Variants in DOC2A observed in about 807,000 individuals in gnomAD.
DOC2A encodes double C2-like domain-containing protein alpha.
In DOC2A, 28 loss-of-function variants were observed where a neutral mutation model predicts 40.6. That is an observed-to-expected ratio of 0.69 (90% confidence interval 0.51 to 0.95). The LOEUF is 0.95. Among genes scored for constraint, DOC2A ranks in the 40% least tolerant of loss-of-function variants. The pLI, the probability that DOC2A is intolerant of heterozygous loss-of-function variation, is 0.00. For synonymous variants in DOC2A, 241 were observed against 236.9 expected (o/e 1.02, Z -0.16); for missense variants, 474 against 552.5 (o/e 0.86, Z 1.42).
Position 30,006,634 on chromosome 16 carries a change from A to G in DOC2A, c.922T>C (p.Cys308Arg), listed in dbSNP as rs1203577523. ...GGGTTGAGAGTCTTCTTCTTCACAC[A>G]CGTCTTATGCTTGGATTTCTTGTCC... ...DVDKKSKHKTCVKKKTLNPEF... is the reference protein window; with the variant it reads ...DVDKKSKHKTRVKKKTLNPEF... The change falls in exon 9 of 11, where the codon TGT becomes CGT. Residue 308 changes from cysteine to arginine, a missense_variant. Transcript: ENST00000350119. This position sits in a 1 kb window ranked among gnomAD's most constrained non-coding sequence, Gnocchi z 6.2. 3 of 1,612,348 alleles carry G rather than the reference A, an allele frequency of 1.9e-6. No homozygotes were observed. Among genetic ancestry groups the G allele is most frequent in the Non-Finnish European group, 2.5e-6 (3 of 1,179,692 alleles).
upstream of DOC2A, chr16:30,013,481 T>C (rs1413617557): frequency 6.6e-6 from 1 of 150,398 alleles, no homozygotes; most frequent in Non-Finnish European, 1.5e-5. Context: ...TTAGCCAAGA[T>C]GGTCTCGATC....
chr16:30,011,153 C>T, upstream of DOC2A: 2 of 666,128 alleles, frequency 3.0e-6, no homozygotes, highest in Non-Finnish European at 3.7e-6. Context: ...CGCTCGGGAG[C>T]GCACGCGAGC....
In DOC2A at chr16:30,006,312, T is replaced by C; in HGVS notation, c.1077A>G (p.Pro359=). 6.2e-7 allele frequency: 1 copy of C among 1,611,702 alleles called. No individual in the cohort carries two copies. Among genetic ancestry groups the C allele is most frequent in the African/African-American group, 1.3e-5 (1 of 74,964 alleles). The change falls in exon 11 of 11, where the codon CCA becomes CCG. Residue 359 remains proline, a synonymous_variant. Coordinates refer to ENST00000350119, the MANE Select transcript of DOC2A (RefSeq NM_003586.3). The surrounding 1 kb of genome is among the most constrained non-coding windows in gnomAD (Gnocchi z 6.2). The part of the protein sequence containing the change: ...NDFIGGVSLG[P]GARGEARKHW... Reference sequence around the variant, plus strand: ...GCTTCCGAGCCTCGCCTCGGGCACCTGGCCCCAGGGACACGCCACCTGGGG... The same window carrying C: ...GCTTCCGAGCCTCGCCTCGGGCACCCGGCCCCAGGGACACGCCACCTGGGG...
upstream of DOC2A, chr16:30,011,376 T>G: frequency 1.0e-6 from 1 of 985,164 alleles, no homozygotes; most frequent in East Asian, 1.1e-4. Context: ...GCGGGCTCCC[T>G]GCGCCACCAG....
chr16:30,020,706 G>A lies in DOC2A; in HGVS notation c.-376+477C>T, dbSNP rs1372956650. 2.6e-5 allele frequency among the ~76,000 whole-genome samples: 4 copies of A among 152,090 alleles called. No individual in the cohort carries two copies. The South Asian group carries it at 6.2e-4, about 24-fold the overall frequency. ...TTAAAAAACTACAAAAATTAGCCAG[G>A]CATGGTGGCATATGCTTTTGATCCT... On this transcript the variant is annotated intron_variant, in intron 1 of 5. Transcript: ENST00000574405.
At position 30,006,177 on chromosome 16, in the gene DOC2A, G is replaced by A; in HGVS notation, c.*9C>T. 6.4e-7 allele frequency: 1 copy of A among 1,574,366 alleles called. No homozygotes were observed. Among genetic ancestry groups the A allele is most frequent in the Non-Finnish European group, 8.6e-7 (1 of 1,161,136 alleles). On this transcript the variant is annotated 3_prime_UTR_variant, in exon 11 of 11. Transcript: ENST00000350119. This position sits in a 1 kb window ranked among gnomAD's most constrained non-coding sequence, Gnocchi z 6.2. Reference sequence around the variant, plus strand: ...CTCGATGGGCCTGTGCCGGGACACTGCTGTCCACTCAGGCTGAGGACAGAG... The same window carrying A: ...CTCGATGGGCCTGTGCCGGGACACTACTGTCCACTCAGGCTGAGGACAGAG...
chr16:30,009,617 G>T lies in DOC2A; in HGVS notation c.263-60C>A. 2.1e-6 allele frequency: 3 copies of T among 1,426,728 alleles called. No individual in the cohort carries two copies. Among genetic ancestry groups the T allele is most frequent in the Non-Finnish European group, 2.9e-6 (3 of 1,040,138 alleles). 88.4% of individuals were successfully genotyped at this position (1,426,728 alleles called of 1,614,324 possible). ...GGAGACAGGTGTGTGCGAGAGGCCA[G>T]CAGGTGGGCACTGGCTCTGTGTGTC... is the stretch of plus-strand genomic sequence containing the variant. On this transcript the variant is annotated intron_variant, in intron 2 of 10. Coordinates refer to ENST00000350119, the MANE Select transcript of DOC2A (RefSeq NM_003586.3). The surrounding 1 kb of genome is among the most constrained non-coding windows in gnomAD (Gnocchi z 4.1).
At chr16:30,019,338 A>AGTCCATTAAAGATGAGGGAGTG (rs1433619405) in intron 1 of DOC2A, among the ~76,000 whole-genome samples, 17 of 152,086 alleles carry the variant, frequency 1.1e-4, no homozygotes, top group Admixed American at 3.9e-4. Flanking sequence ...GAGATTGAAG[A>AGTCCATTAAAGATGAGGGAGTG]GTCCATTAAA....
upstream of DOC2A, among the ~76,000 whole-genome samples, chr16:30,012,862 C>T (rs991975547): frequency 1.3e-5 from 2 of 151,180 alleles, no homozygotes; most frequent in African/African-American, 2.4e-5. Flanking sequence ...CTAAAAATGC[C>T]GGGCGTGGTG....
upstream of DOC2A, among the ~76,000 whole-genome samples, chr16:30,013,992 G>T (rs1296265793): frequency 1.3e-5 from 2 of 152,046 alleles, no homozygotes; most frequent in African/African-American, 4.8e-5. Flanking sequence ...TGGGATTACA[G>T]CTGTGAGCCA....
At chr16:30,013,626 A>AAAAAAAC (rs1491018227), upstream of DOC2A, 1 of 150,966 alleles carries the variant, frequency 6.6e-6, no homozygotes, top group African/African-American at 2.4e-5. Context: ...AAAAAAAAAA[A>AAAAAAAC]ATCCTTAGAC....
In DOC2A at chr16:30,006,592, G is replaced by T; in HGVS notation, c.960+4C>A. On this transcript the variant is annotated splice_donor_region_variant and intron_variant, in intron 9 of 10. Transcript: ENST00000350119. The surrounding 1 kb of genome is among the most constrained non-coding windows in gnomAD (Gnocchi z 6.2). ...CCCTCCATGTCCCGTCCCCTCCTGG[G>T]TACCTCGTTAAATTCTGGGTTGAGA... is the stretch of plus-strand genomic sequence containing the variant. The T allele has an allele frequency of 6.2e-7, 1 of 1,613,598 alleles. No individual in the cohort carries two copies. Among genetic ancestry groups the T allele is most frequent in the Non-Finnish European group, 8.5e-7 (1 of 1,179,870 alleles).
Position 30,007,256 on chromosome 16 carries a change from T to C in DOC2A, c.571A>G (p.Ile191Val). 1 of 1,613,990 alleles carries C rather than the reference T, an allele frequency of 6.2e-7. No individual in the cohort carries two copies. The highest frequency in any genetic ancestry group is 8.5e-7 in the Non-Finnish European group (1 of 1,180,010). Residue 191 changes from isoleucine to valine, a missense_variant, in exon 6 of 11, where the codon ATT becomes GTT. Coordinates refer to ENST00000350119, the MANE Select transcript of DOC2A (RefSeq NM_003586.3). ...DEDKLSHNEF[I>V]GEIRVPLRRL... ...CGGAGGGGCACGCGGATCTCCCCAATAAACTCATTGTGACTCAGCTTGTCC... is the reference window on the plus strand; with the variant it reads ...CGGAGGGGCACGCGGATCTCCCCAACAAACTCATTGTGACTCAGCTTGTCC...
At position 30,006,535 on chromosome 16, in the gene DOC2A, C is replaced by T. The variant is rs780044660; in HGVS notation, c.961-26G>A. 30 of 1,613,368 alleles carry T rather than the reference C, an allele frequency of 1.9e-5. No individual in the cohort carries two copies. The Middle Eastern group carries it at 1.6e-3, about 88-fold the overall frequency. On this transcript the variant is annotated intron_variant, in intron 9 of 10. Transcript: ENST00000350119. The surrounding 1 kb of genome is among the most constrained non-coding windows in gnomAD (Gnocchi z 6.2). ...CTAGGGACAAGGCCGGCCACCCGTT[C>T]GTGAGCCAGCTCCCCAGCCCCTCCC...
rs963704420 is a variant in DOC2A, at chr16:30,006,124, T to G, written c.*62A>C. The G allele has an allele frequency of 3.5e-5, 53 of 1,520,554 alleles. No individual in the cohort carries two copies. Among genetic ancestry groups the G allele is most frequent in the Non-Finnish European group, 4.5e-5 (51 of 1,128,724 alleles). The allele number at this position is 1,520,554 out of a possible 1,614,324, so 94.2% of individuals were successfully genotyped here. A position where few individuals can be genotyped will look rare whatever the true frequency, so the allele number is the denominator to read the frequency against. ...CACCCTGTGTAAACGTGCAACACACTCGTGCGAAGGTTGGGTACTGGACCC... is the reference window on the plus strand; with the variant it reads ...CACCCTGTGTAAACGTGCAACACACGCGTGCGAAGGTTGGGTACTGGACCC... On this transcript the variant is annotated 3_prime_UTR_variant, in exon 11 of 11. Transcript: ENST00000350119. The surrounding 1 kb of genome is among the most constrained non-coding windows in gnomAD (Gnocchi z 6.2).
chr16:30,018,279 CA>C lies in DOC2A; in HGVS notation c.-376+2903del, dbSNP rs59765302. Among the ~76,000 whole-genome samples, 790 of 119,086 alleles carry C rather than the reference CA, an allele frequency of 6.6e-3. 5 individuals carry two copies. Among genetic ancestry groups the C allele is most frequent in the African/African-American group, 0.017 (527 of 30,548 alleles). The allele number at this position is 119,086 out of a possible 152,430, so 78.1% of individuals were successfully genotyped here. A position where few individuals can be genotyped will look rare whatever the true frequency, so the allele number is the denominator to read the frequency against. ...TGGGCAACAGAGTGAGATGCTGTCT[CA>C]AAAAAAAAAAAAAAGAAAGAAAGAA... On this transcript the variant is annotated intron_variant, in intron 1 of 5. Coordinates refer to the DOC2A transcript ENST00000574405.
rs1490556443 is a variant in DOC2A at position 30,010,086 on chromosome 16, C to A, written c.137G>T (p.Gly46Val). The A allele has an allele frequency of 1.9e-6, 3 of 1,612,300 alleles. No homozygotes were observed. The highest frequency in any genetic ancestry group is 3.3e-5 in the Admixed American group (2 of 59,972). The part of the protein sequence containing the change: ...FPRGPGPEGG[G>V]GGGGEAPAHL... Reference sequence around the variant, plus strand: ...GGCGGGGGCCTCCCCGCCGCCCCCGCCGCCCCCTTCAGGTCCTGGTCCCCG... The same window carrying A: ...GGCGGGGGCCTCCCCGCCGCCCCCGACGCCCCCTTCAGGTCCTGGTCCCCG... The change falls in exon 2 of 11, where the codon GGC (glycine) becomes GTC (valine). Residue 46 changes from glycine to valine, a missense_variant. Coordinates refer to ENST00000350119, the MANE Select transcript of DOC2A (RefSeq NM_003586.3). The surrounding 1 kb of genome is among the most constrained non-coding windows in gnomAD (Gnocchi z 4.2).
upstream of DOC2A, chr16:30,023,185 G>C (rs2070939267): frequency 1.7e-6 from 1 of 602,188 alleles, no homozygotes; most frequent in African/African-American, 1.9e-5. Context: ...AGGGGGTGAA[G>C]ACTGGTCCCA....
chr16:30,016,340 C>G (rs914131540), upstream of DOC2A, among the ~76,000 whole-genome samples: 1 of 152,070 alleles, frequency 6.6e-6, no homozygotes, highest in Non-Finnish European at 1.5e-5. Flanking sequence ...TGAGCCACTG[C>G]ACCCGGCCAA....
Sources: allele counts gnomAD v4.1 joint callset (sites outside exome capture counted in the v4.1 genomes callset), GRCh38; gene constraint gnomAD v4.1.1; non-coding constraint Gnocchi (gnomAD v3.1); transcripts MANE v1.5; gene names NCBI Gene and HGNC (gene_info 2026-07-23, HGNC 2026-07-21).